Variants in LRRC69 observed in about 807,000 individuals in gnomAD.
LRRC69 encodes the protein leucine rich repeat containing 69, also known as leucine-rich repeat-containing protein 69.
Under a neutral mutation model 37.8 loss-of-function variants are expected in LRRC69, and 42 were observed. That is an observed-to-expected ratio of 1.11 (90% CI 0.87 to 1.44). LRRC69 has a LOEUF of 1.44. LRRC69 is among the 40% of genes most tolerant of loss of function. The pLI, the probability that LRRC69 is intolerant of heterozygous loss-of-function variation, is 0.00. For synonymous variants in LRRC69, 141 were observed against 143.1 expected, an observed-to-expected ratio of 0.99 and a Z score of 0.11; for missense variants, 357 against 401.9, an observed-to-expected ratio of 0.89 and a Z score of 0.96.
intron 3 of LRRC69, among the ~76,000 whole-genome samples, chr8:91,127,523 AG>A (rs1813738970): frequency 6.6e-6 from 1 of 150,770 alleles, no homozygotes; most frequent in Non-Finnish European, 1.5e-5. Context: ...TTGATGGAAA[AG>A]GTAATGTAAA....
chr8:91,176,553 G>A (rs1324337867), intron 5 of LRRC69, among the ~76,000 whole-genome samples: 1 of 152,110 alleles, frequency 6.6e-6, no homozygotes, highest in Non-Finnish European at 1.5e-5. Flanking sequence ...TGGCTTACAT[G>A]ATTATGGGTT....
At chr8:91,154,066 A>G (rs954853287) in intron 5 of LRRC69, among the ~76,000 whole-genome samples, 1 of 151,890 alleles carries the variant, frequency 6.6e-6, no homozygotes, top group Non-Finnish European at 1.5e-5. Flanking sequence ...AGAAACAACC[A>G]TCAGAGAATA....
rs200707466 is a variant in LRRC69, at chr8:91,192,208, G to A, written c.753+2585G>A. 7.9e-5 allele frequency among the ~76,000 whole-genome samples: 12 copies of A among 152,154 alleles called. No individual in the cohort carries two copies. The East Asian group carries it at 2.3e-3, about 29-fold the overall frequency. On this transcript the variant is annotated intron_variant, in intron 6 of 7. Coordinates refer to ENST00000448384, the Ensembl canonical transcript of LRRC69. ...TTTTATGAATGCATAGTATTCCATGGTGTATATGTGCCACATTTTCTTTAT... is the reference window on the plus strand; with the variant it reads ...TTTTATGAATGCATAGTATTCCATGATGTATATGTGCCACATTTTCTTTAT...
intron 5 of LRRC69, among the ~76,000 whole-genome samples, chr8:91,147,203 T>C (rs1386677000): frequency 6.7e-6 from 1 of 148,198 alleles, no homozygotes; most frequent in Non-Finnish European, 1.5e-5. Context: ...GGCTTTAAAG[T>C]TTATTTTTTT....
intron 5 of LRRC69, among the ~76,000 whole-genome samples, chr8:91,161,500 A>G (rs180974789): frequency 1.9e-4 from 28 of 151,158 alleles, no homozygotes; most frequent in African/African-American, 6.8e-4. Context: ...TAGGTTTTCT[A>G]TTTCTTCCTG....
At chr8:91,184,295 G>A (rs540324063) in intron 5 of LRRC69, among the ~76,000 whole-genome samples, 7 of 150,850 alleles carry the variant, frequency 4.6e-5, no homozygotes, top group Middle Eastern at 3.4e-3. Context: ...CCCCCACCCC[G>A]AATTTAAATA....
At chr8:91,132,971 T>A in intron 3 of LRRC69, 139 bp from the exon 4 acceptor site, 1 of 538,732 alleles carries the variant, frequency 1.9e-6, no homozygotes, top group Non-Finnish European at 3.1e-6. Context: ...TCACAATAGT[T>A]GTAAACACTT....
intron 1 of LRRC69, among the ~76,000 whole-genome samples, chr8:91,105,005 C>T (rs1027875012): frequency 6.6e-6 from 1 of 151,978 alleles, no homozygotes; most frequent in Non-Finnish European, 1.5e-5. Context: ...TTAGGGGTAA[C>T]CTACGTGTTG....
At chr8:91,152,575 T>G (rs2130549439) in intron 5 of LRRC69, among the ~76,000 whole-genome samples, 1 of 151,818 alleles carries the variant, frequency 6.6e-6, no homozygotes, top group Middle Eastern at 3.4e-3. Flanking sequence ...GCCTACAGTT[T>G]TGTTCTTTTT....
chr8:91,163,043 C>A (rs1396684955), intron 5 of LRRC69, among the ~76,000 whole-genome samples: 1 of 151,050 alleles, frequency 6.6e-6, no homozygotes, highest in African/African-American at 2.4e-5. Context: ...CTTTTATTTT[C>A]CAGATCATGT....
chr8:91,195,679 C>T (rs972620735), intron 6 of LRRC69, among the ~76,000 whole-genome samples: 5 of 152,216 alleles, frequency 3.3e-5, no homozygotes, highest in African/African-American at 1.2e-4. Flanking sequence ...CTGCCTTTTT[C>T]TGTTTTCCAT....
chr8:91,125,257 T>A (rs983313099), intron 2 of LRRC69, among the ~76,000 whole-genome samples: 1 of 151,874 alleles, frequency 6.6e-6, no homozygotes, highest in East Asian at 1.9e-4. Context: ...TCCTTAGTAG[T>A]AAAATGAGAG....
At chr8:91,188,573 C>T (rs1809440792) in intron 5 of LRRC69, among the ~76,000 whole-genome samples, 1 of 152,134 alleles carries the variant, frequency 6.6e-6, no homozygotes, top group African/African-American at 2.4e-5. Context: ...TAAGATAGGT[C>T]ATATGTCCCC....
intron 1 of LRRC69, among the ~76,000 whole-genome samples, chr8:91,122,960 CA>C (rs1207467638): frequency 1.3e-5 from 2 of 152,012 alleles, no homozygotes; most frequent in Non-Finnish European, 2.9e-5. Context: ...CTAGATTATC[CA>C]GGTGGACCCA....
Position 91,204,168 on chromosome 8 carries a change from T to C in LRRC69, c.933+3376T>C, listed in dbSNP as rs1809760359. Among the ~76,000 whole-genome samples the C allele has an allele frequency of 2.0e-5, 3 of 150,924 alleles. No individual in the cohort carries two copies. The South Asian group carries it at 6.4e-4, about 32-fold the overall frequency. On this transcript the variant is annotated intron_variant, in intron 7 of 7. Coordinates refer to ENST00000448384, the Ensembl canonical transcript of LRRC69. Reference sequence around the variant, plus strand: ...ATTTCTAGTTGATTTTCATGTGCAGTCAGGGCTGAGAATCTCTGCTCTCCC... The same window carrying C: ...ATTTCTAGTTGATTTTCATGTGCAGCCAGGGCTGAGAATCTCTGCTCTCCC...
chr8:91,200,820 A>C, intron 7 of LRRC69, 28 bp downstream of exon 7: 1 of 1,488,864 alleles, frequency 6.7e-7, no homozygotes, highest in Non-Finnish European at 9.0e-7. Flanking sequence ...TGCGAATATG[A>C]GCATAATACT....
intron 1 of LRRC69, among the ~76,000 whole-genome samples, chr8:91,110,984 T>C (rs1050191841): frequency 7.2e-5 from 11 of 152,088 alleles, no homozygotes; most frequent in Admixed American, 2.0e-4. Flanking sequence ...GACTATTCCA[T>C]AGTTTGAGTC....
At chr8:91,132,079 C>T (rs190690910) in intron 3 of LRRC69, among the ~76,000 whole-genome samples, 2 of 151,994 alleles carry the variant, frequency 1.3e-5, no homozygotes, top group East Asian at 1.9e-4. Context: ...TGATGACTTC[C>T]TAACCTCCAG....
intron 7 of LRRC69, among the ~76,000 whole-genome samples, chr8:91,209,995 A>G (rs1809878775): frequency 6.6e-6 from 1 of 152,196 alleles, no homozygotes; most frequent in Non-Finnish European, 1.5e-5. Context: ...GCTATTGAGG[A>G]GATCACAGAC....
Sources: gnomAD v4.1 joint callset for allele counts (sites outside exome capture counted in the v4.1 genomes callset) on GRCh38, gnomAD v4.1.1 for gene constraint, MANE v1.5 for transcripts, NCBI Gene and HGNC (gene_info 2026-07-23, HGNC 2026-07-21) for gene names.